Variants in ICE1 observed in about 807,000 individuals in gnomAD.
ICE1 encodes the protein interactor of little elongation complex ELL subunit 1.
ICE1 carries 64 observed loss-of-function variants against 192.7 expected under a neutral mutation model. The ratio of observed to expected loss-of-function variants is 0.33; its 90% CI spans 0.27 to 0.41. The LOEUF is 0.41. Among genes scored for constraint, ICE1 ranks in the 10% least tolerant of loss-of-function variants. The pLI, the probability that ICE1 is intolerant of heterozygous loss-of-function variation, is 1.00. For missense variants in ICE1, 2,708 were observed against 2,696.0 expected (o/e 1.00, Z -0.10); for synonymous variants, 1,010 against 984.5 (o/e 1.03, Z -0.49).
intron 10 of ICE1, among the ~76,000 whole-genome samples, chr5:5,453,855 G>C (rs1245691454): frequency 6.6e-6 from 1 of 152,064 alleles, no homozygotes; most frequent in African/African-American, 2.4e-5. Flanking sequence ...TTGAATTACT[G>C]GTTCTTAACT....
intron 1 of ICE1, among the ~76,000 whole-genome samples, chr5:5,427,026 C>G (rs767805237): frequency 1.3e-5 from 2 of 152,196 alleles, no homozygotes; most frequent in East Asian, 1.9e-4. Context: ...TAACTTGCCT[C>G]TCTGTCTTGA....
chr5:5,462,718 C>G lies in ICE1; in HGVS notation c.3384C>G (p.Asp1128Glu), dbSNP rs1203373960. 3.1e-6 allele frequency: 5 copies of G among 1,613,734 alleles called. No homozygotes were observed. The highest frequency in any genetic ancestry group is 4.2e-6 in the Non-Finnish European group (5 of 1,179,808). Residue 1128 changes from aspartate (D) to glutamate (E), a missense_variant, in exon 13 of 19, where the codon GAC becomes GAG. Asp to Glu is a conservative substitution (Grantham distance 45, BLOSUM62 2). Around this residue, in one of 2 missense-constraint regions of ICE1, gnomAD observed 2,366 missense variants for 2,276.6 expected, o/e 1.04. Coordinates refer to ENST00000296564, the MANE Select transcript of ICE1 (RefSeq NM_015325.3). ...EGSEQQDAPD[D>E]SQKNLGDTDA... ...GCGAACAGCAAGATGCTCCTGATGA[C>G]TCACAGAAAAATTTAGGAGACACAG... is the stretch of plus-strand genomic sequence containing the variant.
intron 17 of ICE1, among the ~76,000 whole-genome samples, chr5:5,477,403 T>G (rs1272814453): frequency 6.6e-6 from 1 of 152,116 alleles, no homozygotes; most frequent in Non-Finnish European, 1.5e-5. Context: ...ATGGATAAAT[T>G]CCTGGACACA....
intron 17 of ICE1, among the ~76,000 whole-genome samples, chr5:5,477,175 C>G (rs1040881584): frequency 6.6e-6 from 1 of 151,836 alleles, no homozygotes; most frequent in African/African-American, 2.4e-5. Flanking sequence ...ACAGAAAAAA[C>G]CCTTCAAAAA....
intron 1 of ICE1, among the ~76,000 whole-genome samples, chr5:5,435,038 C>T (rs1402348704): frequency 1.3e-5 from 2 of 152,084 alleles, no homozygotes; most frequent in Non-Finnish European, 2.9e-5. Context: ...GCTTTATTCT[C>T]AGGAAAAATA....
intron 1 of ICE1, among the ~76,000 whole-genome samples, chr5:5,426,705 T>TCAAGAGTTCCAGAGGGAAC (rs1173158758): frequency 6.6e-6 from 1 of 152,080 alleles, no homozygotes; most frequent in Non-Finnish European, 1.5e-5. Flanking sequence ...CCAGAGGGAA[T>TCAAGAGTTCCAGAGGGAAC]CAAGAGTTCC....
chr5:5,434,419 A>G (rs952824119), intron 1 of ICE1, among the ~76,000 whole-genome samples: 4 of 152,258 alleles, frequency 2.6e-5, no homozygotes, highest in Non-Finnish European at 5.9e-5. Flanking sequence ...GAGAATCTGC[A>G]GATAAATTAT....
In ICE1 at chr5:5,422,764, C is replaced by T. The variant is rs1737344093; in HGVS notation, c.-152C>T. ...TGGCTCGGAGAGCCTTTTGCTAGCC[C>T]CACGGGGACCTCTGTGCACGGATGG... On this transcript the variant is annotated 5_prime_UTR_variant, in exon 1 of 19. Coordinates refer to ENST00000296564, the MANE Select transcript of ICE1 (RefSeq NM_015325.3). 2 of 406,108 alleles carry T rather than the reference C, an allele frequency of 4.9e-6. No homozygotes were observed. Among genetic ancestry groups the T allele is most frequent in the Non-Finnish European group, 8.3e-6 (2 of 241,534 alleles). 25.2% of individuals were successfully genotyped at this position (406,108 alleles called of 1,614,324 possible).
chr5:5,469,585 T>C (rs573001184), intron 15 of ICE1, among the ~76,000 whole-genome samples: 63 of 152,292 alleles, frequency 4.1e-4, no homozygotes, highest in African/African-American at 7.0e-4. Context: ...GCCAGTGATA[T>C]TGATTTTTTA....
intron 10 of ICE1, among the ~76,000 whole-genome samples, chr5:5,452,009 A>G (rs1331083992): frequency 2.6e-5 from 4 of 152,100 alleles, no homozygotes; most frequent in Non-Finnish European, 5.9e-5. Context: ...CAGCTGGGTC[A>G]GAGAATGTTG....
At chr5:5,483,532 G>A (rs998609557) in intron 17 of ICE1, among the ~76,000 whole-genome samples, 1 of 152,186 alleles carries the variant, frequency 6.6e-6, no homozygotes, top group African/African-American at 2.4e-5. Context: ...TCACAGAAAT[G>A]TGGTGGAGAA....
intron 14 of ICE1, among the ~76,000 whole-genome samples, chr5:5,466,720 C>G (rs1738997971): frequency 2.0e-5 from 3 of 152,196 alleles, no homozygotes; most frequent in South Asian, 4.1e-4. Flanking sequence ...ATGAGTATCT[C>G]TCATTACTGT....
chr5:5,459,277 G>C (rs1197715642), intron 12 of ICE1, among the ~76,000 whole-genome samples: 2 of 152,188 alleles, frequency 1.3e-5, no homozygotes, highest in Admixed American at 6.5e-5. Context: ...GCAGCATTTG[G>C]TGACATTTTT....
intron 11 of ICE1, 83 bp downstream of exon 11, chr5:5,454,721 T>C: frequency 1.1e-6 from 1 of 882,180 alleles, no homozygotes; most frequent in Non-Finnish European, 1.8e-6. Flanking sequence ...TACTTTTTAA[T>C]AGCTCCTGAT....
At chr5:5,441,275 C>A in intron 5 of ICE1, 52 bp downstream of exon 5, 1 of 1,173,886 alleles carries the variant, frequency 8.5e-7, no homozygotes, top group Non-Finnish European at 1.2e-6. Context: ...TTAGGATGAG[C>A]TTATTCGGTA....
In ICE1 at chr5:5,436,450, C is replaced by T; in HGVS notation, c.117C>T (p.Thr39=). The T allele has an allele frequency of 1.0e-5, 15 of 1,477,834 alleles. No individual in the cohort carries two copies. The highest frequency in any genetic ancestry group is 2.5e-5 in the Admixed American group (1 of 39,810). The allele number at this position is 1,477,834 out of a possible 1,614,324, so 91.5% of individuals were successfully genotyped here. A position where few individuals can be genotyped will look rare whatever the true frequency, so the allele number is the denominator to read the frequency against. The change falls in exon 2 of 19, where the codon ACC becomes ACT. Residue 39 remains threonine, a synonymous_variant. Coordinates refer to ENST00000296564, the MANE Select transcript of ICE1 (RefSeq NM_015325.3). Reference sequence around the variant, plus strand: ...ATGAATATGTTGAAGCATTAATTACCTTGAAACAAAAAATTATCAATACAG... The same window carrying T: ...ATGAATATGTTGAAGCATTAATTACTTTGAAACAAAAAATTATCAATACAG... ...NLNEYVEALI[T]LKQKIINTDN... is the part of the protein sequence containing the mutation.
chr5:5,459,421 G>C (rs1738686846), intron 12 of ICE1, among the ~76,000 whole-genome samples: 1 of 152,216 alleles, frequency 6.6e-6, no homozygotes, highest in South Asian at 2.1e-4. Flanking sequence ...AGATACTGGA[G>C]GGAGGCTGTG....
chr5:5,428,803 C>G (rs1376694994), intron 1 of ICE1, among the ~76,000 whole-genome samples: 1 of 152,158 alleles, frequency 6.6e-6, no homozygotes, highest in African/African-American at 2.4e-5. Context: ...TGTAATGTCT[C>G]TTCAGCCTCC....
At chr5:5,430,726 T>C (rs1315151921) in intron 1 of ICE1, among the ~76,000 whole-genome samples, 1 of 152,226 alleles carries the variant, frequency 6.6e-6, no homozygotes, top group African/African-American at 2.4e-5. Context: ...AGCATATCTC[T>C]TCTTTCTCCA....
Sources: gnomAD v4.1 joint callset for allele counts (sites outside exome capture counted in the v4.1 genomes callset) on GRCh38, gnomAD v4.1.1 for gene constraint, gnomAD v4.1.1 regional missense constraint, MANE v1.5 for transcripts, NCBI Gene and HGNC (gene_info 2026-07-23, HGNC 2026-07-21) for gene names.